The following GATAD2A variants were observed in gnomAD, a reference collection of about 807,000 sequenced individuals.
GATAD2A encodes the protein GATA zinc finger domain containing 2A.
GATAD2A carries 12 observed loss-of-function variants against 68.5 expected under a neutral mutation model. The ratio of observed to expected loss-of-function variants is 0.18; its 90% CI spans 0.11 to 0.28. The LOEUF (loss-of-function observed/expected upper bound fraction) is 0.28, where lower values mean the gene tolerates loss of function less well. Ranked by LOEUF, GATAD2A falls within the 10% of genes least tolerant of loss-of-function variation. GATAD2A has a pLI of 1.00. For synonymous variants in GATAD2A, 410 were observed against 375.3 expected, an observed-to-expected ratio of 1.09 and a Z score of -1.07; for missense variants, 755 against 868.5, an observed-to-expected ratio of 0.87 and a Z score of 1.64.
intron 2 of GATAD2A, among the ~76,000 whole-genome samples, chr19:19,476,217 G>A (rs1440159401): frequency 1.3e-5 from 2 of 152,238 alleles, no homozygotes; most frequent in African/African-American, 2.4e-5. Flanking sequence ...ACCAGTAAAT[G>A]TTTGGCCTTC....
At chr19:19,473,442 A>G (rs995092278) in intron 2 of GATAD2A, among the ~76,000 whole-genome samples, 1 of 152,252 alleles carries the variant, frequency 6.6e-6, no homozygotes, top group Non-Finnish European at 1.5e-5. Context: ...CTGCAAAACC[A>G]GTCGCAATTG....
Position 19,424,374 on chromosome 19 carries a change from C to A in GATAD2A, c.-7+18355C>A, listed in dbSNP as rs559496836. 2.2e-3 allele frequency among the ~76,000 whole-genome samples: 332 copies of A among 152,272 alleles called. 2 individuals are homozygous for A. Among genetic ancestry groups the A allele is most frequent in the South Asian group, 0.016 (77 of 4,828 alleles). ...CGTCCTGAGTAGCTGTGACCATAGG[C>A]ATGAGCCAGCATGCCCAGCTAATTT... On this transcript the variant is annotated intron_variant, in intron 1 of 11. Transcript: ENST00000683918.
chr19:19,472,914 A>G (rs1217932762), intron 2 of GATAD2A, among the ~76,000 whole-genome samples: 1 of 152,192 alleles, frequency 6.6e-6, no homozygotes, highest in African/African-American at 2.4e-5. Flanking sequence ...AGAGGTAATC[A>G]AGACAGGATC....
chr19:19,442,871 A>T (rs1299628170), intron 1 of GATAD2A, among the ~76,000 whole-genome samples: 5 of 151,866 alleles, frequency 3.3e-5, no homozygotes, highest in Admixed American at 1.3e-4. Flanking sequence ...CTAGCTACCC[A>T]TTTAAAAATG....
intron 1 of GATAD2A, among the ~76,000 whole-genome samples, chr19:19,424,216 A>G (rs2052782259): frequency 6.7e-6 from 1 of 150,320 alleles, no homozygotes; most frequent in Non-Finnish European, 1.5e-5. Flanking sequence ...GAGCCACTGC[A>G]TGTGGCTTTG....
chr19:19,457,569 T>C (rs1182440442), intron 1 of GATAD2A, among the ~76,000 whole-genome samples: 1 of 151,910 alleles, frequency 6.6e-6, no homozygotes, highest in Admixed American at 6.6e-5. Flanking sequence ...TGAAACCCTG[T>C]CTCTACTAAA....
chr19:19,430,778 G>A (rs1312192745), intron 1 of GATAD2A, among the ~76,000 whole-genome samples: 1 of 152,174 alleles, frequency 6.6e-6, no homozygotes, highest in African/African-American at 2.4e-5. Flanking sequence ...AGTGGCCAGT[G>A]TCAGGCCATG....
At position 19,492,636 on chromosome 19, in the gene GATAD2A, G is replaced by T. The variant is rs770453546; in HGVS notation, c.458G>T (p.Arg153Met). The T allele has an allele frequency of 6.2e-7, 1 of 1,614,146 alleles. No individual in the cohort carries two copies. The highest frequency in any genetic ancestry group is 2.2e-5 in the East Asian group (1 of 44,880). ...RMIKQLKEEL[R>M]LEEAKLVLLK... ...ATCAAGCAGCTGAAGGAAGAATTGA[G>T]GTTAGAAGAAGCAAAACTCGTGTTG... is the stretch of plus-strand genomic sequence containing the variant. The change falls in exon 4 of 12, where the codon AGG becomes ATG. Residue 153 changes from arginine to methionine, a missense_variant. Transcript: ENST00000683918.
At position 19,504,100 on chromosome 19, in the gene GATAD2A, G is replaced by C. The variant is rs547849054; in HGVS notation, c.1775-1244G>C. Among the ~76,000 whole-genome samples the C allele has an allele frequency of 1.8e-4, 27 of 152,286 alleles. No homozygotes were observed. The South Asian group carries it at 3.9e-3, about 22-fold the overall frequency. ...GTCTGTGGTCCCAGCTACTCAGCCA[G>C]GAGGCTGAGGGAGGAGGATCGCTTG... On this transcript the variant is annotated intron_variant, in intron 11 of 11. Transcript: ENST00000683918.
chr19:19,484,054 A>G (rs953722606), intron 2 of GATAD2A, among the ~76,000 whole-genome samples: 1 of 152,044 alleles, frequency 6.6e-6, no homozygotes, highest in Non-Finnish European at 1.5e-5. Flanking sequence ...CCCAGTGAGC[A>G]GCCCCCACGT....
chr19:19,497,707 G>A (rs1005747288), intron 7 of GATAD2A, among the ~76,000 whole-genome samples: 1 of 152,186 alleles, frequency 6.6e-6, no homozygotes, highest in Non-Finnish European at 1.5e-5. Context: ...TTTTCTGGGG[G>A]TGGGGTGCAC....
At chr19:19,429,407 G>A (rs2147396006) in intron 1 of GATAD2A, among the ~76,000 whole-genome samples, 1 of 152,266 alleles carries the variant, frequency 6.6e-6, no homozygotes, top group Middle Eastern at 3.4e-3. Context: ...AGGAGGCCAG[G>A]TGGTTGGAGC....
intron 1 of GATAD2A, among the ~76,000 whole-genome samples, chr19:19,450,088 G>A (rs907120149): frequency 6.6e-6 from 1 of 152,136 alleles, no homozygotes; most frequent in African/African-American, 2.4e-5. Flanking sequence ...ACTGCACCTG[G>A]TCCCTTTCAT....
chr19:19,436,426 A>G (rs1278397177), intron 1 of GATAD2A, among the ~76,000 whole-genome samples: 2 of 152,220 alleles, frequency 1.3e-5, no homozygotes, highest in Admixed American at 6.5e-5. Flanking sequence ...AAAAGAAACC[A>G]TTCTGATTGG....
chr19:19,407,769 C>T (rs957058695), intron 1 of GATAD2A, among the ~76,000 whole-genome samples: 2 of 152,192 alleles, frequency 1.3e-5, no homozygotes, highest in Non-Finnish European at 2.9e-5. Context: ...ACTTTGCATT[C>T]GCTTCTTCAG....
chr19:19,401,161 A>AAG (rs2049698724), upstream of GATAD2A, among the ~76,000 whole-genome samples: 1 of 147,520 alleles, frequency 6.8e-6, no homozygotes, highest in Non-Finnish European at 1.5e-5. Context: ...AAAAAAAAAA[A>AAG]GTAGTCAGTG....
chr19:19,500,448 C>T (rs2060452745), intron 8 of GATAD2A, among the ~76,000 whole-genome samples: 1 of 151,840 alleles, frequency 6.6e-6, no homozygotes, highest in African/African-American at 2.4e-5. Flanking sequence ...CCCCTAAGTG[C>T]TGAACACAAA....
chr19:19,471,660 A>G (rs962722163), intron 2 of GATAD2A, among the ~76,000 whole-genome samples: 5 of 152,240 alleles, frequency 3.3e-5, no homozygotes, highest in Non-Finnish European at 5.9e-5. Flanking sequence ...ATTTTGCGGT[A>G]TGTAAAGTAT....
chr19:19,442,992 G>A (rs1025765882), intron 1 of GATAD2A, among the ~76,000 whole-genome samples: 7 of 152,008 alleles, frequency 4.6e-5, no homozygotes, highest in African/African-American at 9.7e-5. Context: ...GTGCTGGCCC[G>A]CAGAACTGCC....
Sources: gnomAD v4.1 joint callset for allele counts (sites outside exome capture counted in the v4.1 genomes callset) on GRCh38, gnomAD v4.1.1 for gene constraint, MANE v1.5 for transcripts, NCBI Gene and HGNC (gene_info 2026-07-23, HGNC 2026-07-21) for gene names.